The following ZBTB8OS variants were observed in gnomAD, a reference collection of about 807,000 sequenced individuals.
The protein encoded by ZBTB8OS is tRNA-splicing ligase-activating factor archease.
A neutral mutation model predicts 29.3 loss-of-function variants in ZBTB8OS; 16 were observed. That is an observed-to-expected ratio of 0.55 (90% CI 0.37 to 0.83). The LOEUF is 0.83. ZBTB8OS is among the 40% of genes least tolerant of loss of function. The pLI is 0.00. For synonymous variants in ZBTB8OS, 70 were observed against 64.6 expected, an observed-to-expected ratio of 1.08 and a Z score of -0.40; for missense variants, 160 against 196.9, an observed-to-expected ratio of 0.81 and a Z score of 1.12.
At chr1:32,625,254 A>G (rs1232263780) in intron 6 of ZBTB8OS, among the ~76,000 whole-genome samples, 1 of 149,426 alleles carries the variant, frequency 6.7e-6, no homozygotes, top group East Asian at 2.0e-4. Flanking sequence ...ATAATAAAAA[A>G]AACTGTTGGC....
chr1:32,642,950 T>C (rs2934768), intron 1 of ZBTB8OS, among the ~76,000 whole-genome samples: 123,711 of 144,228 alleles, frequency 0.86, 54,599 homozygotes, highest in Non-Finnish European at 0.96. Flanking sequence ...TTTGTATTTT[T>C]AGTAGAGACA....
At chr1:32,645,951 A>T (rs1377136959) in intron 1 of ZBTB8OS, among the ~76,000 whole-genome samples, 5 of 152,226 alleles carry the variant, frequency 3.3e-5, no homozygotes, top group Admixed American at 3.3e-4. Flanking sequence ...TATACTACTT[A>T]TACAAGTGTA....
intron 4 of ZBTB8OS, 71 bp from the exon 5 acceptor site, chr1:32,631,950 C>A (rs1413790999): frequency 2.4e-6 from 1 of 416,140 alleles, no homozygotes; most frequent in Non-Finnish European, 3.5e-6. Context: ...TCTTTTTGTT[C>A]TGTTTTGTTT....
intron 1 of ZBTB8OS, among the ~76,000 whole-genome samples, chr1:32,640,888 G>A (rs556504915): frequency 8.4e-4 from 127 of 152,018 alleles, no homozygotes; most frequent in Admixed American, 2.8e-3. Flanking sequence ...CACTTTCAAG[G>A]GTGTGGAGGC....
At chr1:32,640,357 C>A (rs1258697937) in intron 1 of ZBTB8OS, among the ~76,000 whole-genome samples, 2 of 152,184 alleles carry the variant, frequency 1.3e-5, no homozygotes, top group South Asian at 2.1e-4. Flanking sequence ...CCCTCTCGGC[C>A]TCCCAAAGTG....
intron 1 of ZBTB8OS, among the ~76,000 whole-genome samples, chr1:32,639,407 G>A (rs1646235285): frequency 6.6e-6 from 1 of 151,884 alleles, no homozygotes; most frequent in Admixed American, 6.6e-5. Context: ...AGTATTCCTG[G>A]GCTCAAGTGC....
intron 6 of ZBTB8OS, among the ~76,000 whole-genome samples, chr1:32,626,491 T>C (rs913291285): frequency 2.0e-5 from 3 of 152,308 alleles, no homozygotes; most frequent in Non-Finnish European, 4.4e-5. Context: ...ACAGGCCAAA[T>C]TGCCTCTTTT....
chr1:32,624,234 A>C (rs1570439853), intron 6 of ZBTB8OS, among the ~76,000 whole-genome samples: 1 of 150,826 alleles, frequency 6.6e-6, no homozygotes, highest in African/African-American at 2.4e-5. Flanking sequence ...TTTTCTGACT[A>C]CCCCCTCCCC....
At chr1:32,642,312 T>C (rs1311850287) in intron 1 of ZBTB8OS, among the ~76,000 whole-genome samples, 1 of 152,132 alleles carries the variant, frequency 6.6e-6, no homozygotes, top group African/African-American at 2.4e-5. Flanking sequence ...AAGACCAGCC[T>C]GGCCAACGTG....
chr1:32,631,552 T>A (rs1350978202), intron 5 of ZBTB8OS, among the ~76,000 whole-genome samples: 1 of 152,128 alleles, frequency 6.6e-6, no homozygotes, highest in Non-Finnish European at 1.5e-5. Context: ...AAAAAAAGTG[T>A]CAGTGTTTCC....
At chr1:32,647,042 A>AAAAAC in intron 1 of ZBTB8OS, among the ~76,000 whole-genome samples, 1 of 29,298 alleles carries the variant, frequency 3.4e-5, no homozygotes, top group Non-Finnish European at 6.4e-5. Flanking sequence ...ATACTGTCTC[A>AAAAAC]AAAAAAAAAA....
At chr1:32,650,617 G>T (rs374030939), upstream of ZBTB8OS, 9 of 1,609,974 alleles carry the variant, frequency 5.6e-6, no homozygotes, top group Non-Finnish European at 6.8e-6. Flanking sequence ...TCCGCCCCTT[G>T]GCGCACACCC....
At chr1:32,625,166 T>A (rs1004284318) in intron 6 of ZBTB8OS, among the ~76,000 whole-genome samples, 7 of 150,376 alleles carry the variant, frequency 4.7e-5, no homozygotes, top group African/African-American at 1.7e-4. Context: ...GAGGTTGCAG[T>A]GAGTAGAGGT....
At chr1:32,650,246 A>T (rs1400279287) in intron 1 of ZBTB8OS, among the ~76,000 whole-genome samples, 187 bp downstream of exon 1, 1 of 152,158 alleles carries the variant, frequency 6.6e-6, no homozygotes, top group Non-Finnish European at 1.5e-5. Context: ...CGCGACTATT[A>T]AACCAGGTGG....
At chr1:32,641,538 C>T (rs1416832550) in intron 1 of ZBTB8OS, among the ~76,000 whole-genome samples, 2 of 146,244 alleles carry the variant, frequency 1.4e-5, no homozygotes, top group Admixed American at 1.4e-4. Context: ...TCCCAAAGTG[C>T]TGGGATTACA....
chr1:32,629,760 T>G (rs1429887221), intron 5 of ZBTB8OS, among the ~76,000 whole-genome samples: 2 of 149,364 alleles, frequency 1.3e-5, no homozygotes, highest in Admixed American at 6.7e-5. Flanking sequence ...TTTTTTTTTT[T>G]TTTTTTTTTT....
rs532217340 is a variant in ZBTB8OS at position 32,630,209 on chromosome 1, C to T, written c.380+1618G>A. Among the ~76,000 whole-genome samples, 175 of 152,160 alleles carry T rather than the reference C, an allele frequency of 1.2e-3. 1 individual carries two copies. The highest frequency in any genetic ancestry group is 4.0e-3 in the African/African-American group (168 of 41,524). On this transcript the variant is annotated intron_variant, in intron 5 of 6. Transcript: ENST00000468695. ...GACCAGCCTAGCAACATAGCAAGAC[C>T]CCATCTCTATAAAAAATTAAAAATT...
chr1:32,622,924 T>C (rs1006965230), intron 6 of ZBTB8OS, among the ~76,000 whole-genome samples: 2 of 152,168 alleles, frequency 1.3e-5, no homozygotes, highest in African/African-American at 2.4e-5. Flanking sequence ...ACTTCACCTC[T>C]TGGGACTCTT....
chr1:32,621,398 CAA>C lies in ZBTB8OS; in HGVS notation c.*462_*463del, dbSNP rs879079549. On this transcript the variant is annotated 3_prime_UTR_variant, in exon 7 of 7. Transcript: ENST00000468695. ...TGGGCTACAGAGCGAGACTCCGTCT[CAA>C]AAAAAAAAAAAAAAAAGAAACAAAA... 2,348 of 60,778 alleles carry C rather than the reference CAA, an allele frequency of 0.039. 52 individuals carry two copies. Among genetic ancestry groups the C allele is most frequent in the African/African-American group, 0.11 (2,179 of 19,802 alleles). The allele number at this position is 60,778 out of a possible 1,614,324, so 3.8% of individuals were successfully genotyped here.
Sources: gnomAD v4.1 joint callset for allele counts (sites outside exome capture counted in the v4.1 genomes callset) on GRCh38, gnomAD v4.1.1 for gene constraint, MANE v1.5 for transcripts, NCBI Gene and HGNC (gene_info 2026-07-23, HGNC 2026-07-21) for gene names.